The following GRIN2A variants were observed in gnomAD, a reference collection of about 807,000 sequenced individuals.
The protein encoded by GRIN2A is glutamate ionotropic receptor NMDA type subunit 2A.
GRIN2A carries 22 observed loss-of-function variants against 113.4 expected under a neutral mutation model. That is an observed-to-expected ratio of 0.19 (90% CI 0.14 to 0.28). The LOEUF is 0.28. GRIN2A is among the 10% of genes least tolerant of loss of function. GRIN2A has a pLI of 1.00. For missense variants in GRIN2A, 1,502 were observed against 1,887.0 expected (o/e 0.80, Z 3.78); for synonymous variants, 827 against 738.4 (o/e 1.12, Z -1.94).
chr16:9,969,060 C>T (rs4780744), intron 2 of GRIN2A, among the ~76,000 whole-genome samples: 37,027 of 151,710 alleles, frequency 0.24, 4,581 homozygotes, highest in Middle Eastern at 0.26. Context: ...CACAGCAAGT[C>T]TGAAATTCAG....
intron 4 of GRIN2A, among the ~76,000 whole-genome samples, chr16:9,887,770 C>G (rs77613768): frequency 0.021 from 3,183 of 152,228 alleles, 111 homozygotes; most frequent in African/African-American, 0.072. Flanking sequence ...AACACACACA[C>G]AGTTTTTGGC....
At chr16:9,834,648 C>T (rs1333811757) in intron 7 of GRIN2A, among the ~76,000 whole-genome samples, 2 of 152,204 alleles carry the variant, frequency 1.3e-5, no homozygotes, top group African/African-American at 2.4e-5. Context: ...TCCCAAAGTG[C>T]TGGGATTACA....
chr16:10,169,230 T>C (rs967416826), intron 2 of GRIN2A, among the ~76,000 whole-genome samples: 1 of 152,124 alleles, frequency 6.6e-6, no homozygotes, highest in African/African-American at 2.4e-5. Flanking sequence ...TCTGCATGCA[T>C]TGCAATTTTT....
chr16:9,979,041 G>C (rs1355681286), intron 2 of GRIN2A, among the ~76,000 whole-genome samples: 2 of 152,162 alleles, frequency 1.3e-5, no homozygotes, highest in African/African-American at 4.8e-5. Flanking sequence ...CTCTTACAAT[G>C]CGGGTCCCTC....
At chr16:9,766,263 T>C (rs150475408) in intron 12 of GRIN2A, among the ~76,000 whole-genome samples, 11 of 152,342 alleles carry the variant, frequency 7.2e-5, no homozygotes, top group African/African-American at 2.6e-4. Context: ...CTGTGGACTC[T>C]GATAATGGTG....
chr16:9,876,143 C>A (rs966044976), intron 4 of GRIN2A, among the ~76,000 whole-genome samples: 5 of 152,074 alleles, frequency 3.3e-5, no homozygotes, highest in Non-Finnish European at 7.4e-5. Context: ...TAAAACCCCT[C>A]GTGGCTTGGA....
At chr16:10,114,367 G>T (rs1369642150) in intron 2 of GRIN2A, among the ~76,000 whole-genome samples, 1 of 152,168 alleles carries the variant, frequency 6.6e-6, no homozygotes. Flanking sequence ...AAGAGATTAT[G>T]TGCGGGTAAA....
intron 2 of GRIN2A, among the ~76,000 whole-genome samples, chr16:10,120,965 C>A (rs1000984860): frequency 6.6e-6 from 1 of 152,146 alleles, no homozygotes; most frequent in Non-Finnish European, 1.5e-5. Flanking sequence ...CCTGTATCCA[C>A]GATGCTAACT....
chr16:9,819,657 A>T (rs1187566225), intron 10 of GRIN2A, among the ~76,000 whole-genome samples: 1 of 151,924 alleles, frequency 6.6e-6, no homozygotes, highest in Non-Finnish European at 1.5e-5. Context: ...GAGTATATTG[A>T]ATTATTTTTT....
intron 2 of GRIN2A, among the ~76,000 whole-genome samples, chr16:9,985,282 T>C (rs1291009797): frequency 6.6e-6 from 1 of 152,176 alleles, no homozygotes; most frequent in African/African-American, 2.4e-5. Context: ...GCATTTAGAA[T>C]AGAATGAAAT....
chr16:9,771,767 T>C (rs1189302854), intron 11 of GRIN2A, among the ~76,000 whole-genome samples: 1 of 152,204 alleles, frequency 6.6e-6, no homozygotes, highest in Non-Finnish European at 1.5e-5. Flanking sequence ...GCTTCTGCCA[T>C]GGTTCCAGGA....
intron 3 of GRIN2A, among the ~76,000 whole-genome samples, chr16:9,935,423 G>A (rs1445674185): frequency 6.6e-6 from 1 of 151,504 alleles, no homozygotes; most frequent in African/African-American, 2.4e-5. Context: ...GACAGAGGAC[G>A]GAGAAATGTC....
chr16:10,058,992 C>G (rs2047503192), intron 2 of GRIN2A, among the ~76,000 whole-genome samples: 2 of 152,098 alleles, frequency 1.3e-5, no homozygotes, highest in African/African-American at 4.8e-5. Context: ...GTGTTGGTAC[C>G]CATGATGAAC....
chr16:10,134,137 A>G lies in GRIN2A; in HGVS notation c.414+45861T>C, dbSNP rs555210776. Among the ~76,000 whole-genome samples the G allele has an allele frequency of 2.4e-4, 35 of 146,682 alleles. 1 individual carries two copies. The South Asian group carries it at 8.0e-3, about 34-fold the overall frequency. ...CTTGAGACCAGGAAGTCGAAGGTGC[A>G]GTGAGTGATCACATCACCACACTCC... On this transcript the variant is annotated intron_variant, in intron 2 of 12. Transcript: ENST00000330684.
intron 2 of GRIN2A, among the ~76,000 whole-genome samples, chr16:10,010,890 C>G (rs754192410): frequency 1.8e-4 from 28 of 152,204 alleles, no homozygotes; most frequent in Non-Finnish European, 3.8e-4. Flanking sequence ...ATATTATATC[C>G]TGTGAGCATA....
chr16:10,110,762 G>T (rs945817911), intron 2 of GRIN2A, among the ~76,000 whole-genome samples: 1 of 152,208 alleles, frequency 6.6e-6, no homozygotes, highest in Non-Finnish European at 1.5e-5. Flanking sequence ...TCCTTTCACA[G>T]CTCAACACAG....
chr16:10,000,586 A>G (rs2046302446), intron 2 of GRIN2A, among the ~76,000 whole-genome samples: 2 of 152,076 alleles, frequency 1.3e-5, no homozygotes, highest in Admixed American at 6.5e-5. Flanking sequence ...GCATGGAATA[A>G]GGGAGGAAAC....
At chr16:9,791,785 G>A (rs1231928278) in intron 11 of GRIN2A, among the ~76,000 whole-genome samples, 1 of 151,870 alleles carries the variant, frequency 6.6e-6, no homozygotes, top group Non-Finnish European at 1.5e-5. Context: ...ATGCTTCAGT[G>A]GAAGATACAA....
intron 2 of GRIN2A, among the ~76,000 whole-genome samples, chr16:9,961,809 C>T (rs1477907862): frequency 6.6e-6 from 1 of 152,108 alleles, no homozygotes; most frequent in African/African-American, 2.4e-5. Context: ...AAAAAGAGCC[C>T]ACAATGCCAA....
Sources: gnomAD v4.1 joint callset for allele counts (sites outside exome capture counted in the v4.1 genomes callset) on GRCh38, gnomAD v4.1.1 for gene constraint, MANE v1.5 for transcripts, NCBI Gene and HGNC (gene_info 2026-07-23, HGNC 2026-07-21) for gene names.